SLC66A1: variants seen among roughly 807,000 people sequenced by gnomAD.
SLC66A1 encodes the protein solute carrier family 66 member 1.
A neutral mutation model predicts 33.0 loss-of-function variants in SLC66A1; 23 were observed. That is an observed-to-expected ratio of 0.70 (90% confidence interval 0.50 to 0.99). The LOEUF is 0.99. SLC66A1 is among the 50% of genes least tolerant of loss of function. The pLI is 0.00. For synonymous variants in SLC66A1, 164 were observed against 175.5 expected, an observed-to-expected ratio of 0.93 and a Z score of 0.52; for missense variants, 335 against 383.6, an observed-to-expected ratio of 0.87 and a Z score of 1.06.
At chr1:19,319,584 A>G (rs2093823013) in intron 2 of SLC66A1, among the ~76,000 whole-genome samples, 1 of 135,698 alleles carries the variant, frequency 7.4e-6, no homozygotes, top group Non-Finnish European at 1.5e-5. Flanking sequence ...CATTATGATT[A>G]ATGTTGCTGT....
chr1:19,332,339 C>T (rs1233698711), downstream of SLC66A1, among the ~76,000 whole-genome samples: 2 of 152,176 alleles, frequency 1.3e-5, no homozygotes, highest in South Asian at 2.1e-4. Flanking sequence ...AGAACATAGC[C>T]GTGATCAAGA....
intron 4 of SLC66A1, 32 bp downstream of exon 4, chr1:19,325,614 T>C: frequency 4.2e-6 from 5 of 1,178,186 alleles, no homozygotes; most frequent in East Asian, 2.5e-5. Flanking sequence ...TGTCAGATGC[T>C]CTACCAGCAG....
Position 19,328,619 on chromosome 1 carries a change from G to A in SLC66A1, c.852G>A (p.Glu284=). Residue 284 remains glutamate (E), a synonymous_variant, in exon 8 of 8, where the codon GAG becomes GAA. Transcript: ENST00000375153. The surrounding 1 kb of genome is among the most constrained non-coding windows in gnomAD (Gnocchi z 4.7). ...LVYRRSTAAS[E]LEPLLPS ...ACAGGCGCAGCACCGCCGCCTCGGA[G>A]CTTGAGCCCCTCCTCCCCAGCTGAC... 6.2e-7 allele frequency: 1 copy of A among 1,613,822 alleles called. No homozygotes were observed. The highest frequency in any genetic ancestry group is 1.1e-5 in the South Asian group (1 of 91,048).
At chr1:19,331,330 G>A (rs9729832), downstream of SLC66A1, among the ~76,000 whole-genome samples, 32,631 of 152,050 alleles carry the variant, frequency 0.21, 4,128 homozygotes, top group South Asian at 0.33. Context: ...TATTTTTATG[G>A]CCATTTTACA....
Position 19,328,772 on chromosome 1 carries a change from G to A in SLC66A1, c.*129G>A, listed in dbSNP as rs551996821. 1.1e-3 allele frequency: 1,059 copies of A among 1,000,772 alleles called. 5 individuals are homozygous for A. The African/African-American group carries it at 0.014, about 13-fold the overall frequency. The allele number at this position is 1,000,772 out of a possible 1,614,324, so 62.0% of individuals were successfully genotyped here. ...GTGGCCTCTGGATCCTCCGTGGACC[G>A]AACCGTCCCCCCAGGAACACACCTT... is the stretch of plus-strand genomic sequence containing the variant. On this transcript the variant is annotated 3_prime_UTR_variant, in exon 8 of 8. Coordinates refer to ENST00000375153, the MANE Select transcript of SLC66A1 (RefSeq NM_001040125.2). The surrounding 1 kb of genome is among the most constrained non-coding windows in gnomAD (Gnocchi z 4.7).
chr1:19,315,188 T>C (rs144173574), intron 1 of SLC66A1, among the ~76,000 whole-genome samples: 1,855 of 152,282 alleles, frequency 0.012, 41 homozygotes, highest in African/African-American at 0.042. Context: ...GGATTACAGG[T>C]GTGAACCACT....
At chr1:19,320,476 C>G (rs1272838906) in intron 2 of SLC66A1, among the ~76,000 whole-genome samples, 1 of 137,120 alleles carries the variant, frequency 7.3e-6, no homozygotes, top group South Asian at 2.3e-4. Context: ...AGCGGTGGTG[C>G]GATCTCGGCT....
At chr1:19,316,490 G>T (rs1017933333) in intron 1 of SLC66A1, among the ~76,000 whole-genome samples, 5 of 151,500 alleles carry the variant, frequency 3.3e-5, no homozygotes, top group Admixed American at 2.0e-4. Flanking sequence ...GGGCTCAAGC[G>T]ATTCTTCCAC....
Position 19,325,718 on chromosome 1 carries a change from G to A in SLC66A1, c.382+136G>A, listed in dbSNP as rs1357697030. On this transcript the variant is annotated intron_variant, in intron 4 of 7. Coordinates refer to ENST00000375153, the MANE Select transcript of SLC66A1 (RefSeq NM_001040125.2). ...ACCCAAACCTCGGAAAGCCTTCCCC[G>A]GGCCTTATCTAAGAGCCTGAGCCTT... The A allele has an allele frequency of 1.2e-5, 9 of 755,716 alleles. No individual in the cohort carries two copies. In the African/African-American group the frequency reaches 1.2e-4, roughly 10 times the overall value. The allele number at this position is 755,716 out of a possible 1,614,324, so 46.8% of individuals were successfully genotyped here. A position where few individuals can be genotyped will look rare whatever the true frequency, so the allele number is the denominator to read the frequency against.
intron 5 of SLC66A1, 49 bp downstream of exon 5, chr1:19,326,436 A>G (rs2093867644): frequency 6.2e-7 from 1 of 1,607,972 alleles, no homozygotes; most frequent in Admixed American, 1.7e-5. Flanking sequence ...GCTCATCCCC[A>G]GGGCTCTCCC....
chr1:19,324,622 C>A lies in SLC66A1; in HGVS notation c.165-11C>A. On this transcript the variant is annotated splice_polypyrimidine_tract_variant and intron_variant, in intron 2 of 7. Transcript: ENST00000375153. ...CCTGAGCATGCATCCCTTCCTCTTC[C>A]TCTTCCACAGCCAGTTCATCAAAGC... The A allele has an allele frequency of 1.9e-6, 3 of 1,614,078 alleles. No homozygotes were observed. The highest frequency in any genetic ancestry group is 8.5e-7 in the Non-Finnish European group (1 of 1,179,940).
chr1:19,318,201 T>TTTTGGATCCAAAACCCAGACC (rs1553261625), intron 2 of SLC66A1, among the ~76,000 whole-genome samples: 1 of 151,844 alleles, frequency 6.6e-6, no homozygotes, highest in Admixed American at 6.6e-5. Context: ...CCCAGAGAAG[T>TTTTGGATCCAAAACCCAGACC]TAAGCAATTT....
downstream of SLC66A1, among the ~76,000 whole-genome samples, chr1:19,333,428 C>T (rs1487044714): frequency 6.6e-6 from 1 of 152,114 alleles, no homozygotes; most frequent in Non-Finnish European, 1.5e-5. The surrounding 1 kb of genome is among the most constrained non-coding windows in gnomAD (Gnocchi z 4.2). Context: ...GTGATCCTCC[C>T]ACCTCAGCCT....
rs752317650 is a variant in SLC66A1 at position 19,325,492 on chromosome 1, CA to C, written c.295-2del. The C allele has an allele frequency of 6.3e-7, 1 of 1,599,500 alleles. No individual in the cohort carries two copies. Among genetic ancestry groups the C allele is most frequent in the Admixed American group, 1.7e-5 (1 of 59,950 alleles). On this transcript the variant is annotated splice_acceptor_variant, in intron 3 of 7. Coordinates refer to ENST00000375153, the MANE Select transcript of SLC66A1 (RefSeq NM_001040125.2). LOFTEE classifies it high-confidence loss of function. ...ACCCCTGGGCCCCCTGCATCTCTTA[CA>C]GACCTACACGGCTGTGTATTATGTC...
At chr1:19,316,353 TTGTGTGTGTGTGTGTGTG>T (rs36226389) in intron 1 of SLC66A1, among the ~76,000 whole-genome samples, 5 of 144,816 alleles carry the variant, frequency 3.5e-5, no homozygotes, top group Admixed American at 1.4e-4. Context: ...TCTTTATGGT[TTGTGTGTGTGTGTGTGTG>T]TGTGTGTGTG....
intron 1 of SLC66A1, among the ~76,000 whole-genome samples, chr1:19,315,993 G>C (rs115599455): frequency 2.6e-5 from 4 of 152,182 alleles, no homozygotes; most frequent in African/African-American, 4.8e-5. Context: ...TTGGCTCACC[G>C]GTCCGAGCTG....
In SLC66A1 at chr1:19,312,528, G is replaced by A. The variant is rs1465442377; in HGVS notation, c.-440G>A. 6.5e-6 allele frequency: 1 copy of A among 155,036 alleles called. No individual in the cohort carries two copies. The highest frequency in any genetic ancestry group is 2.4e-5 in the African/African-American group (1 of 41,606). 9.6% of individuals were successfully genotyped at this position (155,036 alleles called of 1,614,324 possible). ...CGAGGCTCCGGGCCGGGACTGGGTG[G>A]CCCTCGGGAATCCGCAGCCAGTGGC... is the stretch of plus-strand genomic sequence containing the variant. On this transcript the variant is annotated 5_prime_UTR_variant, in exon 1 of 8. Coordinates refer to ENST00000375153, the MANE Select transcript of SLC66A1 (RefSeq NM_001040125.2).
At chr1:19,326,440 C>T in intron 5 of SLC66A1, 53 bp downstream of exon 5, 1 of 1,608,678 alleles carries the variant, frequency 6.2e-7, no homozygotes, top group Non-Finnish European at 8.5e-7. Context: ...ATCCCCAGGG[C>T]TCTCCCCTGC....
rs569378250 is a variant in SLC66A1 at position 19,316,604 on chromosome 1, C to T, written c.-78-996C>T. Among the ~76,000 whole-genome samples the T allele has an allele frequency of 1.8e-4, 28 of 151,948 alleles. No homozygotes were observed. In the East Asian group the frequency reaches 2.5e-3, roughly 14 times the overall value. Reference sequence around the variant, plus strand: ...CAGCGTTGCCCAGCCTGTTCTCGAACTCCTGGGCTCAAGTAATCTTTCCCA... The same window carrying T: ...CAGCGTTGCCCAGCCTGTTCTCGAATTCCTGGGCTCAAGTAATCTTTCCCA... On this transcript the variant is annotated intron_variant, in intron 1 of 7. Transcript: ENST00000375153.
Sources: gnomAD v4.1 joint callset for allele counts (sites outside exome capture counted in the v4.1 genomes callset) on GRCh38, gnomAD v4.1.1 for gene constraint, Gnocchi (gnomAD v3.1) non-coding constraint, MANE v1.5 for transcripts, NCBI Gene and HGNC (gene_info 2026-07-23, HGNC 2026-07-21) for gene names.